VPS13B: variants seen among roughly 807,000 people sequenced by gnomAD.
The protein encoded by VPS13B is vacuolar protein sorting 13 homolog B.
VPS13B carries 285 observed loss-of-function variants against 426.4 expected under a neutral mutation model. The ratio of observed to expected loss-of-function variants is 0.67; its 90% confidence interval spans 0.61 to 0.74. The LOEUF (loss-of-function observed/expected upper bound fraction) is 0.74. VPS13B is among the 30% of genes least tolerant of loss of function. VPS13B has a pLI of 0.00. For missense variants in VPS13B, 4,537 were observed against 4,782.6 expected, an observed-to-expected ratio of 0.95 and a Z score of 1.51; for synonymous variants, 1,676 against 1,676.4, an observed-to-expected ratio of 1.00 and a Z score of 0.01.
At position 99,156,645 on chromosome 8, in the gene VPS13B, G is replaced by T; in HGVS notation, c.2110G>T (p.Val704Leu). 6.2e-7 allele frequency: 1 copy of T among 1,614,068 alleles called. No homozygotes were observed. Among genetic ancestry groups the T allele is most frequent in the Non-Finnish European group, 8.5e-7 (1 of 1,179,932 alleles). ...GGATAAAATTAATCTGGAACATTCA[G>T]TGCCAATGTATGCTGAACAGTTGGT... ...LVDKINLEHS[V>L]PMYAEQLVHV... The change falls in exon 15 of 62, where the codon GTG becomes TTG. Residue 704 changes from valine to leucine, a missense_variant. Physicochemically the swap from Val to Leu is conservative, Grantham distance 32 (BLOSUM62 1). Coordinates refer to ENST00000357162, the MANE Select transcript of VPS13B (RefSeq NM_152564.5).
In VPS13B at chr8:99,853,724, C is replaced by T. The variant is rs575624046; in HGVS notation, c.10335C>T (p.Val3445=). The T allele has an allele frequency of 1.2e-6, 2 of 1,614,228 alleles. No individual in the cohort carries two copies. Among genetic ancestry groups the T allele is most frequent in the African/African-American group, 2.7e-5 (2 of 75,052 alleles). The part of the protein sequence containing the change: ...NKSNFHFAVL[V]CQGEKAEPIQ... ...CCAATTTCCACTTTGCTGTCTTAGT[C>T]TGCCAGGGAGAAAAAGCAGAACCCA... is the stretch of plus-strand genomic sequence containing the variant. The change falls in exon 56 of 62, where the codon GTC becomes GTT. Residue 3445 remains valine, a synonymous_variant. Transcript: ENST00000357162.
chr8:99,719,785 A>G (rs986103842), intron 37 of VPS13B, among the ~76,000 whole-genome samples: 1 of 152,192 alleles, frequency 6.6e-6, no homozygotes, highest in Non-Finnish European at 1.5e-5. Context: ...CTACTGTAGT[A>G]TAATTGATTT....
intron 36 of VPS13B, among the ~76,000 whole-genome samples, chr8:99,712,972 A>C (rs2130286177): frequency 6.6e-6 from 1 of 152,274 alleles, no homozygotes; most frequent in East Asian, 1.9e-4. Context: ...GCACTTTGCA[A>C]GTGATATGCA....
intron 3 of VPS13B, among the ~76,000 whole-genome samples, chr8:99,075,319 C>G (rs1845061513): frequency 6.6e-6 from 1 of 152,152 alleles, no homozygotes; most frequent in African/African-American, 2.4e-5. Flanking sequence ...AGCTTTTACT[C>G]ATAGCAGAAG....
chr8:99,699,166 C>A (rs1832166303), intron 35 of VPS13B, among the ~76,000 whole-genome samples: 1 of 140,134 alleles, frequency 7.1e-6, no homozygotes, highest in Non-Finnish European at 1.5e-5. Flanking sequence ...GAAGAAAGGC[C>A]AGTTTCATAT....
intron 35 of VPS13B, among the ~76,000 whole-genome samples, chr8:99,686,589 C>T (rs1467612582): frequency 6.6e-6 from 1 of 151,988 alleles, no homozygotes; most frequent in African/African-American, 2.4e-5. Flanking sequence ...CTTCCCACTC[C>T]TCCCTCCACT....
intron 33 of VPS13B, among the ~76,000 whole-genome samples, chr8:99,623,910 G>A (rs1345112521): frequency 6.7e-6 from 1 of 148,314 alleles, no homozygotes; most frequent in African/African-American, 2.5e-5. Flanking sequence ...ACATGCACTT[G>A]TTCTTTTGCA....
chr8:99,100,108 C>T (rs1284239684), intron 4 of VPS13B, among the ~76,000 whole-genome samples: 3 of 151,982 alleles, frequency 2.0e-5, no homozygotes, highest in African/African-American at 4.8e-5. Flanking sequence ...ATTATAGAGA[C>T]GGTTTGTCAT....
intron 3 of VPS13B, among the ~76,000 whole-genome samples, chr8:99,050,394 A>G (rs962507206): frequency 2.1e-4 from 32 of 152,182 alleles, no homozygotes; most frequent in African/African-American, 7.0e-4. Flanking sequence ...ATAGTATTCA[A>G]TCGTGTATAT....
At chr8:99,718,322 G>A (rs1042260844) in intron 37 of VPS13B, among the ~76,000 whole-genome samples, 4 of 151,888 alleles carry the variant, frequency 2.6e-5, no homozygotes, top group African/African-American at 4.8e-5. Context: ...TTAATACAAA[G>A]TAGTCAACCT....
intron 3 of VPS13B, among the ~76,000 whole-genome samples, chr8:99,076,175 C>T (rs1363472805): frequency 6.6e-6 from 1 of 152,068 alleles, no homozygotes; most frequent in Non-Finnish European, 1.5e-5. Flanking sequence ...TTCCAATGTT[C>T]CTCTTGTTAC....
At chr8:99,871,925 A>G (rs898817649) in intron 61 of VPS13B, among the ~76,000 whole-genome samples, 1 of 152,238 alleles carries the variant, frequency 6.6e-6, no homozygotes, top group African/African-American at 2.4e-5. Context: ...AGGAGAACCC[A>G]GCAGGCGGCC....
intron 27 of VPS13B, among the ~76,000 whole-genome samples, chr8:99,506,824 T>C (rs1034419705): frequency 6.6e-6 from 1 of 152,212 alleles, no homozygotes; most frequent in African/African-American, 2.4e-5. Context: ...GCCATTGCAC[T>C]CCAGCCTGGG....
chr8:99,139,915 T>C (rs1462642507), intron 12 of VPS13B, among the ~76,000 whole-genome samples: 2 of 152,106 alleles, frequency 1.3e-5, no homozygotes, highest in African/African-American at 4.8e-5. Flanking sequence ...TTTGTTTCTA[T>C]AGTCTACATT....
At chr8:99,283,703 C>A (rs1486490617) in intron 19 of VPS13B, among the ~76,000 whole-genome samples, 2 of 152,044 alleles carry the variant, frequency 1.3e-5, no homozygotes, top group Non-Finnish European at 2.9e-5. Flanking sequence ...TTTGGGATTT[C>A]AAAATGTTAC....
At chr8:99,327,735 G>A (rs1330078295) in intron 19 of VPS13B, among the ~76,000 whole-genome samples, 1 of 152,086 alleles carries the variant, frequency 6.6e-6, no homozygotes, top group Non-Finnish European at 1.5e-5. Flanking sequence ...CACATTTTAT[G>A]ATCTCTACTG....
chr8:99,145,687 T>C (rs1810672658), intron 13 of VPS13B, among the ~76,000 whole-genome samples: 1 of 107,884 alleles, frequency 9.3e-6, no homozygotes, highest in African/African-American at 3.1e-5. Flanking sequence ...TTCCATTGTA[T>C]ACATATACTA....
At chr8:99,437,972 T>G (rs1020351044) in intron 22 of VPS13B, among the ~76,000 whole-genome samples, 1 of 152,044 alleles carries the variant, frequency 6.6e-6, no homozygotes, top group Admixed American at 6.5e-5. Context: ...GCTTTTTTTT[T>G]GGTCATTTAC....
At chr8:99,785,574 G>A (rs1812217508) in intron 43 of VPS13B, among the ~76,000 whole-genome samples, 2 of 151,782 alleles carry the variant, frequency 1.3e-5, no homozygotes, top group Admixed American at 6.6e-5. Context: ...ATATTTTTAG[G>A]GTAAATCACA....
Sources: allele counts gnomAD v4.1 joint callset (sites outside exome capture counted in the v4.1 genomes callset), GRCh38; gene constraint gnomAD v4.1.1; transcripts MANE v1.5; gene names NCBI Gene and HGNC (gene_info 2026-07-23, HGNC 2026-07-21).